The following ZMYM1 variants were observed in gnomAD, a reference collection of about 807,000 sequenced individuals.
The protein encoded by ZMYM1 is zinc finger MYM-type protein 1.
Under a neutral mutation model 60.0 loss-of-function variants are expected in ZMYM1, and 39 were observed. The observed-to-expected ratio is 0.65, with a 90% CI of 0.50 to 0.85. The LOEUF is 0.85. Among genes scored for constraint, ZMYM1 ranks in the 40% least tolerant of loss-of-function variants. The pLI is 0.00. For synonymous variants in ZMYM1, 413 were observed against 454.0 expected (o/e 0.91, Z 1.15); for missense variants, 1,171 against 1,309.5 (o/e 0.89, Z 1.63).
intron 6 of ZMYM1, among the ~76,000 whole-genome samples, chr1:35,107,883 A>T (rs1479015974): frequency 6.6e-6 from 1 of 152,062 alleles, no homozygotes; most frequent in Admixed American, 6.6e-5. Flanking sequence ...GCCAAACGGG[A>T]GGATCACTTG....
At chr1:35,103,693 C>T (rs1643772856) in intron 4 of ZMYM1, among the ~76,000 whole-genome samples, 1 of 152,038 alleles carries the variant, frequency 6.6e-6, no homozygotes, top group African/African-American at 2.4e-5. Context: ...ATTGCAGGGT[C>T]CTACCATTAG....
downstream of ZMYM1, among the ~76,000 whole-genome samples, chr1:35,116,914 G>A (rs1484833206): frequency 8.7e-6 from 1 of 115,530 alleles, no homozygotes; most frequent in Non-Finnish European, 1.6e-5. Context: ...CGCGATCTCC[G>A]CTCACTGCAA....
chr1:35,096,003 G>T (rs1018907132), intron 3 of ZMYM1, 112 bp downstream of exon 3: 2 of 810,120 alleles, frequency 2.5e-6, no homozygotes, highest in African/African-American at 3.5e-5. Context: ...TTAAGTCCAG[G>T]AGAAGTAACC....
chr1:35,083,728 T>C (rs1312340314), intron 1 of ZMYM1, among the ~76,000 whole-genome samples: 1 of 152,124 alleles, frequency 6.6e-6, no homozygotes, highest in Non-Finnish European at 1.5e-5. Flanking sequence ...CAGGTGATCC[T>C]CCAGCCTCAG....
At chr1:35,091,214 ATATTTATTTATT>A (rs377278111) in intron 1 of ZMYM1, among the ~76,000 whole-genome samples, 2 of 151,356 alleles carry the variant, frequency 1.3e-5, no homozygotes, top group Non-Finnish European at 2.9e-5. Context: ...TCAAGTGGAG[ATATTTATTTATT>A]TATTTATTTA....
In ZMYM1 at chr1:35,114,774, T is replaced by C. The variant is rs780790544; in HGVS notation, c.2944T>C (p.Cys982Arg). Residue 982 changes from cysteine (C) to arginine (R), a missense_variant, in exon 10 of 10, where the codon TGT becomes CGT. By Grantham distance (180) the Cys-to-Arg change is radical. Coordinates refer to ENST00000359858, the MANE Select transcript of ZMYM1 (RefSeq NM_024772.5). Reference protein sequence around the residue: ...LDTILQNLKLCFSEFDYCKIK... With the variant: ...LDTILQNLKLRFSEFDYCKIK... ...TACTATATTACAAAATTTAAAGTTA[T>C]GTTTTTCGGAGTTTGATTATTGCAA... The C allele has an allele frequency of 3.8e-6, 6 of 1,598,956 alleles. No individual in the cohort carries two copies. Among genetic ancestry groups the C allele is most frequent in the South Asian group, 1.1e-5 (1 of 88,528 alleles).
At chr1:35,105,946 G>A (rs1322486317) in intron 6 of ZMYM1, among the ~76,000 whole-genome samples, 1 of 152,092 alleles carries the variant, frequency 6.6e-6, no homozygotes, top group Non-Finnish European at 1.5e-5. Context: ...ACCAAACAAT[G>A]CAAAGATGAA....
At chr1:35,109,643 C>G (rs1044961196) in intron 6 of ZMYM1, among the ~76,000 whole-genome samples, 5 of 152,152 alleles carry the variant, frequency 3.3e-5, no homozygotes, top group African/African-American at 1.2e-4. Flanking sequence ...CAAGTTAATT[C>G]CCAAGCTACC....
rs1644204393 is a variant in ZMYM1, at chr1:35,114,551, A to G, written c.2721A>G (p.Val907=). ...LECLSSERND[V]YFKTIWDGTE... is the part of the protein sequence containing the mutation. ...GTTTATCATCTGAAAGAAATGACGTATACTTTAAAACAATCTGGGATGGAA... is the reference window on the plus strand; with the variant it reads ...GTTTATCATCTGAAAGAAATGACGTGTACTTTAAAACAATCTGGGATGGAA... Residue 907 remains valine, a synonymous_variant, in exon 10 of 10, where the codon GTA becomes GTG. Coordinates refer to ENST00000359858, the MANE Select transcript of ZMYM1 (RefSeq NM_024772.5). The G allele has an allele frequency of 4.3e-6, 7 of 1,610,680 alleles. No homozygotes were observed. Among genetic ancestry groups the G allele is most frequent in the Non-Finnish European group, 5.9e-6 (7 of 1,178,588 alleles).
Position 35,113,891 on chromosome 1 carries a change from G to C in ZMYM1, c.2061G>C (p.Glu687Asp). ...TCTTGGGTTTTGTTGATACTGAGGAGATGACTGGGACCCACTTACATAGGA... is the reference window on the plus strand; with the variant it reads ...TCTTGGGTTTTGTTGATACTGAGGACATGACTGGGACCCACTTACATAGGA... ...ERFLGFVDTE[E>D]MTGTHLHRTI... The change falls in exon 10 of 10, where the codon GAG becomes GAC. Residue 687 changes from glutamate (E) to aspartate (D), a missense_variant. Physicochemically the swap from Glu to Asp is conservative, Grantham distance 45. Coordinates refer to ENST00000359858, the MANE Select transcript of ZMYM1 (RefSeq NM_024772.5). 1.9e-6 allele frequency: 3 copies of C among 1,613,878 alleles called. No individual in the cohort carries two copies. The South Asian group carries it at 3.3e-5, about 18-fold the overall frequency.
chr1:35,104,879 TGATGAA>T (rs1317644747), intron 6 of ZMYM1, 110 bp downstream of exon 6: 94 of 791,150 alleles, frequency 1.2e-4, no homozygotes, highest in Non-Finnish European at 1.7e-4. Context: ...GTCGATAAGT[TGATGAA>T]GATGAAATAG....
intron 4 of ZMYM1, among the ~76,000 whole-genome samples, chr1:35,101,952 T>G (rs1198608183): frequency 6.6e-6 from 1 of 152,196 alleles, no homozygotes; most frequent in Non-Finnish European, 1.5e-5. Context: ...TTATGTAGAT[T>G]ATGAATATTA....
intron 1 of ZMYM1, among the ~76,000 whole-genome samples, chr1:35,088,607 A>G (rs114369798): frequency 0.015 from 2,197 of 150,468 alleles, 51 homozygotes; most frequent in African/African-American, 0.049. Flanking sequence ...ACTCTTTCAT[A>G]CTATGATTTA....
At position 35,115,082 on chromosome 1, in the gene ZMYM1, G is replaced by T. The variant is rs770153390; in HGVS notation, c.3252G>T (p.Glu1084Asp). 1 of 1,614,020 alleles carries T rather than the reference G, an allele frequency of 6.2e-7. No homozygotes were observed. Among genetic ancestry groups the T allele is most frequent in the Admixed American group, 1.7e-5 (1 of 60,012 alleles). ...GGCCAATTACTTCAGCAAGTACTGA[G>T]AACTCATTTTCTACCCTGCCTCGTC... ...LSWPITSASTENSFSTLPRLK... is the reference protein window; with the variant it reads ...LSWPITSASTDNSFSTLPRLK... Residue 1084 changes from glutamate (E) to aspartate (D), a missense_variant, in exon 10 of 10, where the codon GAG becomes GAT. Transcript: ENST00000359858.
chr1:35,060,340 A>G (rs919965921), intron 1 of ZMYM1, among the ~76,000 whole-genome samples: 1 of 151,816 alleles, frequency 6.6e-6, no homozygotes, highest in Admixed American at 6.6e-5. Context: ...TTCTATTTTT[A>G]GTAGAGACGG....
intron 1 of ZMYM1, among the ~76,000 whole-genome samples, chr1:35,092,720 C>T (rs1480411721): frequency 1.3e-5 from 2 of 151,968 alleles, no homozygotes; most frequent in East Asian, 1.9e-4. Flanking sequence ...CTCTGCCTCC[C>T]GGGTTCAAGC....
chr1:35,064,282 G>C (rs1641927395), intron 1 of ZMYM1, among the ~76,000 whole-genome samples: 1 of 118,230 alleles, frequency 8.5e-6, no homozygotes, highest in African/African-American at 3.4e-5. Flanking sequence ...AACACGGTGA[G>C]ATCCTGTCTC....
intron 1 of ZMYM1, among the ~76,000 whole-genome samples, chr1:35,085,839 C>G (rs1642624594): frequency 6.6e-6 from 1 of 152,180 alleles, no homozygotes; most frequent in East Asian, 1.9e-4. Context: ...ACACTGGCCC[C>G]TAGCATTTGT....
chr1:35,060,127 G>A (rs892356001), intron 1 of ZMYM1, among the ~76,000 whole-genome samples: 3 of 149,026 alleles, frequency 2.0e-5, no homozygotes, highest in Non-Finnish European at 4.4e-5. Flanking sequence ...CAAACATGGG[G>A]GAAATACTAT....
Sources: gnomAD v4.1 joint callset for allele counts (sites outside exome capture counted in the v4.1 genomes callset) on GRCh38, gnomAD v4.1.1 for gene constraint, MANE v1.5 for transcripts, NCBI Gene and HGNC (gene_info 2026-07-23, HGNC 2026-07-21) for gene names.